STIM1: variants seen among roughly 807,000 people sequenced by gnomAD.
STIM1 encodes the protein stromal interaction molecule 1.
Under a neutral mutation model 74.7 loss-of-function variants are expected in STIM1, and 25 were observed. The observed-to-expected ratio is 0.33, with a 90% CI of 0.24 to 0.47. The LOEUF (loss-of-function observed/expected upper bound fraction) is 0.47, where lower values mean the gene tolerates loss of function less well. Among genes scored for constraint, STIM1 ranks in the 20% least tolerant of loss-of-function variants. STIM1 has a pLI of 1.00. For synonymous variants in STIM1, 328 were observed against 348.8 expected (o/e 0.94, Z 0.66); for missense variants, 728 against 920.8 (o/e 0.79, Z 2.71).
intron 1 of STIM1, among the ~76,000 whole-genome samples, chr11:3,940,850 GAT>G (rs1321285506): frequency 6.6e-6 from 1 of 152,180 alleles, no homozygotes; most frequent in Non-Finnish European, 1.5e-5. Flanking sequence ...ATTTAAAAGA[GAT>G]GTTTTTATAG....
At chr11:4,053,474 C>T (rs1242720553) in intron 3 of STIM1, among the ~76,000 whole-genome samples, 1 of 151,656 alleles carries the variant, frequency 6.6e-6, no homozygotes, top group African/African-American at 2.4e-5. Context: ...AGCAAAATAT[C>T]GCAAGAACAA....
At chr11:3,908,100 T>A (rs1025931073) in intron 1 of STIM1, among the ~76,000 whole-genome samples, 3 of 152,334 alleles carry the variant, frequency 2.0e-5, no homozygotes, top group Middle Eastern at 3.4e-3. Flanking sequence ...GTTAGTTCCA[T>A]AAGAGCAGGG....
chr11:4,004,910 A>C (rs980244182), intron 2 of STIM1, among the ~76,000 whole-genome samples: 2 of 152,210 alleles, frequency 1.3e-5, no homozygotes, highest in African/African-American at 4.8e-5. Context: ...GCCCCATCAA[A>C]AAGTGGGCAA....
intron 1 of STIM1, chr11:3,867,197 C>T (rs192342987): frequency 1.3e-5 from 2 of 152,202 alleles, no homozygotes; most frequent in African/African-American, 4.8e-5. Context: ...TGACCTAGTA[C>T]TTCATCCCTA....
intron 1 of STIM1, among the ~76,000 whole-genome samples, chr11:3,872,680 C>T (rs1032953949): frequency 4.0e-5 from 6 of 151,854 alleles, no homozygotes; most frequent in Non-Finnish European, 5.9e-5. Context: ...CACCACCACG[C>T]CCGGCTAATT....
chr11:4,075,191 T>C (rs940808597), intron 7 of STIM1, among the ~76,000 whole-genome samples: 1 of 151,960 alleles, frequency 6.6e-6, no homozygotes, highest in Non-Finnish European at 1.5e-5. Context: ...ATAAAAATAG[T>C]CACTATGATT....
At chr11:4,004,822 T>C (rs1257404737) in intron 2 of STIM1, among the ~76,000 whole-genome samples, 5 of 152,150 alleles carry the variant, frequency 3.3e-5, no homozygotes, top group Non-Finnish European at 5.9e-5. Context: ...GGAGAAAATT[T>C]TCGCAACCTA....
intron 1 of STIM1, among the ~76,000 whole-genome samples, chr11:3,960,025 C>T (rs902451746): frequency 6.6e-6 from 1 of 152,190 alleles, no homozygotes; most frequent in Non-Finnish European, 1.5e-5. Flanking sequence ...AATTGCATCC[C>T]ATGAGTTCAT....
intron 1 of STIM1, among the ~76,000 whole-genome samples, chr11:3,861,463 T>G (rs1233295028): frequency 6.6e-6 from 1 of 152,182 alleles, no homozygotes; most frequent in African/African-American, 2.4e-5. Context: ...CTTGATCTCC[T>G]GACTTCGTGA....
Position 3,866,252 on chromosome 11 carries a change from C to CT in STIM1, c.139+9846dup, listed in dbSNP as rs201341546. Among the ~76,000 whole-genome samples, 1,225 of 152,204 alleles carry CT rather than the reference C, an allele frequency of 8.0e-3. 16 individuals carry two copies. Among genetic ancestry groups the CT allele is most frequent in the Middle Eastern group, 0.031 (9 of 294 alleles). ...TGTCATTTAACTTCCTTCAGAATGT[C>CT]TTTATTACCTGTCCTTCTTTATTTC... On this transcript the variant is annotated intron_variant, in intron 1 of 12. Coordinates refer to ENST00000526596, the MANE Select transcript of STIM1 (RefSeq NM_001382567.1).
chr11:4,016,811 CG>C (rs2093902229), intron 2 of STIM1, among the ~76,000 whole-genome samples: 1 of 152,214 alleles, frequency 6.6e-6, no homozygotes, highest in South Asian at 2.1e-4. Flanking sequence ...TCCAGTGTCC[CG>C]GGTCGATCTC....
chr11:3,882,543 G>C (rs554509919), intron 1 of STIM1, among the ~76,000 whole-genome samples: 8 of 152,042 alleles, frequency 5.3e-5, no homozygotes, highest in Non-Finnish European at 1.2e-4. Context: ...TGTGTGCACC[G>C]TTTACCTATG....
chr11:4,092,065 T>G lies in STIM1; in HGVS notation c.*267T>G. On this transcript the variant is annotated 3_prime_UTR_variant, in exon 13 of 13. Transcript: ENST00000526596. Reference sequence around the variant, plus strand: ...CTCTCCACTTCAGTGCATGTCTTAGTTGCTGTTCCCTCAGCTCCCAGCTCC... The same window carrying G: ...CTCTCCACTTCAGTGCATGTCTTAGGTGCTGTTCCCTCAGCTCCCAGCTCC... 1 of 532,672 alleles carries G rather than the reference T, an allele frequency of 1.9e-6. No homozygotes were observed. Among genetic ancestry groups the G allele is most frequent in the South Asian group, 2.1e-5 (1 of 46,960 alleles). 33.0% of individuals were successfully genotyped at this position (532,672 alleles called of 1,614,324 possible).
chr11:3,895,739 TCTTTCTTCCTTCCTTC>T (rs1387626749), intron 1 of STIM1, among the ~76,000 whole-genome samples: 3 of 33,566 alleles, frequency 8.9e-5, no homozygotes, highest in African/African-American at 4.1e-4. Flanking sequence ...TCTTTCTTTT[TCTTTCTTCCTTCCTTC>T]CTTCCTTCCT....
chr11:3,895,683 C>CTTCCTTCCTTCTTTCT (rs2092083651), intron 1 of STIM1, among the ~76,000 whole-genome samples: 4 of 38,000 alleles, frequency 1.1e-4, no homozygotes, highest in African/African-American at 2.7e-4. Context: ...TCCTTCCTTC[C>CTTCCTTCCTTCTTTCT]TTCTTTCTTT....
At chr11:3,959,656 G>A (rs118037202) in intron 1 of STIM1, among the ~76,000 whole-genome samples, 1,858 of 152,292 alleles carry the variant, frequency 0.012, 18 homozygotes, top group Middle Eastern at 0.024. Flanking sequence ...TGAATGATTA[G>A]CTCTGCCTGG....
At chr11:4,046,641 T>G (rs1449983927) in intron 3 of STIM1, among the ~76,000 whole-genome samples, 2 of 151,974 alleles carry the variant, frequency 1.3e-5, no homozygotes, top group African/African-American at 2.4e-5. Flanking sequence ...AATGCCTGAT[T>G]TTGTTTGTTT....
intron 1 of STIM1, among the ~76,000 whole-genome samples, chr11:3,884,790 A>T (rs1312324783): frequency 6.6e-6 from 1 of 151,248 alleles, no homozygotes; most frequent in African/African-American, 2.4e-5. Context: ...TCAAAAAAAA[A>T]AAAAGGGGTA....
chr11:3,873,559 G>A (rs187812064), intron 1 of STIM1, among the ~76,000 whole-genome samples: 3 of 151,850 alleles, frequency 2.0e-5, no homozygotes, highest in Admixed American at 2.0e-4. Context: ...GAGCTACTGT[G>A]TCTGGCCATG....
Sources: allele counts gnomAD v4.1 joint callset (sites outside exome capture counted in the v4.1 genomes callset), GRCh38; gene constraint gnomAD v4.1.1; transcripts MANE v1.5; gene names NCBI Gene and HGNC (gene_info 2026-07-23, HGNC 2026-07-21).